The following PCDHA2 variants were observed in gnomAD, a reference collection of about 807,000 sequenced individuals.
PCDHA2 encodes the protein protocadherin alpha 2.
Under a neutral mutation model 66.0 loss-of-function variants are expected in PCDHA2, and 58 were observed. The ratio of observed to expected loss-of-function variants is 0.88; its 90% CI spans 0.71 to 1.09. The LOEUF (loss-of-function observed/expected upper bound fraction) is 1.09. PCDHA2 is among the 50% of genes least tolerant of loss of function. The pLI, the probability that PCDHA2 is intolerant of heterozygous loss-of-function variation, is 0.00. For synonymous variants in PCDHA2, 634 were observed against 554.0 expected (o/e 1.14, Z -2.03); for missense variants, 1,267 against 1,242.3 (o/e 1.02, Z -0.30).
intron 3 of PCDHA2, among the ~76,000 whole-genome samples, chr5:140,989,470 C>T (rs1365588787): frequency 6.6e-6 from 1 of 152,148 alleles, no homozygotes; most frequent in African/African-American, 2.4e-5. Context: ...TGGAACTCCT[C>T]CTGGGAGGTG....
intron 3 of PCDHA2, among the ~76,000 whole-genome samples, chr5:140,992,572 G>T (rs1441448703): frequency 2.0e-5 from 3 of 152,148 alleles, no homozygotes; most frequent in Non-Finnish European, 4.4e-5. Flanking sequence ...AACACATATT[G>T]CCTGCCTTGT....
chr5:140,882,490 T>C, intron 1 of PCDHA2: 1 of 1,614,024 alleles, frequency 6.2e-7, no homozygotes, highest in Non-Finnish European at 8.5e-7. Context: ...ACGGGGACCT[T>C]CTGGAGGTAA....
At chr5:140,960,680 G>A (rs192174088) in intron 1 of PCDHA2, among the ~76,000 whole-genome samples, 2 of 152,162 alleles carry the variant, frequency 1.3e-5, no homozygotes, top group African/African-American at 4.8e-5. Context: ...AAACCTACTT[G>A]GGAATGAGGG....
chr5:140,844,251 A>G (rs1554140582), intron 1 of PCDHA2, among the ~76,000 whole-genome samples: 1 of 149,748 alleles, frequency 6.7e-6, no homozygotes, highest in East Asian at 1.9e-4. Flanking sequence ...CGTTTTAAGC[A>G]GTGTAGTGAT....
chr5:140,839,493 G>A (rs2150298182), intron 1 of PCDHA2, among the ~76,000 whole-genome samples: 3 of 151,922 alleles, frequency 2.0e-5, no homozygotes, highest in Non-Finnish European at 4.4e-5. Context: ...GGGCTCAAGT[G>A]ATCTTCCTAC....
Position 140,870,071 on chromosome 5 carries a change from A to G in PCDHA2, c.2388+72719A>G, listed in dbSNP as rs782336770. Reference sequence around the variant, plus strand: ...TATAAAATTGAAGTACAGGCTACAGATAAGGGGACTCCCCCAATGGCAGGT... The same window carrying G: ...TATAAAATTGAAGTACAGGCTACAGGTAAGGGGACTCCCCCAATGGCAGGT... On this transcript the variant is annotated intron_variant, in intron 1 of 3. Coordinates refer to ENST00000526136, the MANE Select transcript of PCDHA2 (RefSeq NM_018905.3). 13 of 1,613,778 alleles carry G rather than the reference A, an allele frequency of 8.1e-6. No homozygotes were observed. The highest frequency in any genetic ancestry group is 1.3e-5 in the African/African-American group (1 of 74,950).
intron 1 of PCDHA2, chr5:140,852,865 C>G (rs2042498317): frequency 7.4e-6 from 7 of 950,286 alleles, no homozygotes; most frequent in Non-Finnish European, 7.6e-6. Flanking sequence ...TTTACTATGT[C>G]ATCAATAATC....
intron 1 of PCDHA2, chr5:140,852,963 C>A: frequency 2.4e-6 from 1 of 424,740 alleles, no homozygotes; most frequent in Non-Finnish European, 3.3e-6. Context: ...ACTCCAAGCT[C>A]CCCCTCCCGT....
At chr5:140,899,201 G>T (rs1400966236) in intron 1 of PCDHA2, among the ~76,000 whole-genome samples, 5 of 151,818 alleles carry the variant, frequency 3.3e-5, no homozygotes, top group Admixed American at 6.6e-5. Context: ...CTGCCTAATT[G>T]CCCTGGCCAG....
In PCDHA2 at chr5:140,795,765, T is replaced by C. The variant is rs138887896; in HGVS notation, c.801T>C (p.Ser267=). ...CCTTAGTGGTTAAGTTAAACGCTTC[T>C]GATGCAGATGAAGGACCGAACAGCG... ...NGTLVVKLNA[S]DADEGPNSEI... The change falls in exon 1 of 4, where the codon TCT becomes TCC. Residue 267 remains serine (S), a synonymous_variant. Coordinates refer to ENST00000526136, the MANE Select transcript of PCDHA2 (RefSeq NM_018905.3). 6.2e-7 allele frequency: 1 copy of C among 1,613,906 alleles called. No individual in the cohort carries two copies. The highest frequency in any genetic ancestry group is 8.5e-7 in the Non-Finnish European group (1 of 1,180,004).
chr5:140,863,258 G>A lies in PCDHA2; in HGVS notation c.2388+65906G>A, dbSNP rs1456133535. On this transcript the variant is annotated intron_variant, in intron 1 of 3. Transcript: ENST00000526136. The stretch of plus-strand genomic sequence containing the variant: ...CGGGCTTTGGCGGGCGTCGAGGTCC[G>A]GGAGGCAGCGCTGGTGGATGTCAAC... 8 of 1,445,594 alleles carry A rather than the reference G, an allele frequency of 5.5e-6. No homozygotes were observed. In the Admixed American group the frequency reaches 9.0e-5, roughly 16 times the overall value. The allele number at this position is 1,445,594 out of a possible 1,614,324, so 89.5% of individuals were successfully genotyped here.
intron 3 of PCDHA2, among the ~76,000 whole-genome samples, chr5:141,000,381 CTCTCTCTCTCTCTCTATA>C (rs1371464108): frequency 4.9e-5 from 3 of 61,382 alleles, no homozygotes; most frequent in South Asian, 5.3e-4. Flanking sequence ...CTCTCTCTCT[CTCTCTCTCTCTCTCTATA>C]TATATATATA....
chr5:140,853,476 A>G (rs2042763502), intron 1 of PCDHA2: 2 of 972,352 alleles, frequency 2.1e-6, no homozygotes, highest in South Asian at 4.8e-5. Context: ...TGTAGTTAAC[A>G]TTCCTCAATT....
chr5:140,881,625 A>G (rs2058773266), intron 1 of PCDHA2, among the ~76,000 whole-genome samples: 1 of 152,210 alleles, frequency 6.6e-6, no homozygotes, highest in African/African-American at 2.4e-5. Context: ...AAAATCTGAT[A>G]TATCAGTTAC....
rs1228967368 is a variant in PCDHA2 at position 140,796,553 on chromosome 5, T to G, written c.1589T>G (p.Leu530Arg). 13 of 1,612,994 alleles carry G rather than the reference T, an allele frequency of 8.1e-6. No homozygotes were observed. Among genetic ancestry groups the G allele is most frequent in the African/African-American group, 1.3e-5 (1 of 74,860 alleles). ...CCGCTGGACCACGAGGAAGTGGAGC[T>G]GCTGCAGTTCCAGGTGAGCGCGCGG... ...LQPLDHEEVE[L>R]LQFQVSARDA... Residue 530 changes from leucine to arginine, a missense_variant, in exon 1 of 4, where the codon CTG (leucine) becomes CGG (arginine). Physicochemically the swap from Leu to Arg is moderately radical, Grantham distance 102. Coordinates refer to ENST00000526136, the MANE Select transcript of PCDHA2 (RefSeq NM_018905.3).
intron 1 of PCDHA2, among the ~76,000 whole-genome samples, chr5:140,833,258 A>G (rs2150207264): frequency 1.3e-5 from 2 of 152,334 alleles, no homozygotes; most frequent in South Asian, 4.1e-4. Flanking sequence ...CCAGGAGAGC[A>G]GCAATTATAA....
intron 1 of PCDHA2, chr5:140,825,966 A>AG: frequency 6.6e-6 from 1 of 152,316 alleles, no homozygotes. Context: ...TACTCTTTTG[A>AG]GGGGAAAAGT....
At chr5:140,824,515 G>T in intron 1 of PCDHA2, 1 of 226,310 alleles carries the variant, frequency 4.4e-6, no homozygotes, top group Non-Finnish European at 8.5e-6. Context: ...GCAGTGATCT[G>T]ATCATAGCTC....
chr5:140,809,353 G>T, intron 1 of PCDHA2: 1 of 1,614,034 alleles, frequency 6.2e-7, no homozygotes, highest in South Asian at 1.1e-5. Flanking sequence ...CCGCGCTGCG[G>T]TGCTCTGCGC....
Sources: allele counts gnomAD v4.1 joint callset (sites outside exome capture counted in the v4.1 genomes callset), GRCh38; gene constraint gnomAD v4.1.1; transcripts MANE v1.5; gene names NCBI Gene and HGNC (gene_info 2026-07-23, HGNC 2026-07-21).